ESRRG: variants seen among roughly 807,000 people sequenced by gnomAD.
ESRRG encodes the protein estrogen-related receptor gamma.
ESRRG carries 13 observed loss-of-function variants against 44.0 expected under a neutral mutation model. That is an observed-to-expected ratio of 0.30 (90% CI 0.19 to 0.47). ESRRG has a LOEUF of 0.47. Ranked by LOEUF, ESRRG falls within the 20% of genes least tolerant of loss-of-function variation. ESRRG has a pLI of 1.00. For missense variants in ESRRG, 395 were observed against 580.6 expected, an observed-to-expected ratio of 0.68 and a Z score of 3.29; for synonymous variants, 215 against 214.6, an observed-to-expected ratio of 1.00 and a Z score of -0.02.
At chr1:216,608,985 G>A (rs747157696) in intron 3 of ESRRG, among the ~76,000 whole-genome samples, 8 of 152,278 alleles carry the variant, frequency 5.3e-5, no homozygotes, top group South Asian at 4.2e-4. Context: ...GTACCTATGA[G>A]CATCTTTCTT....
intron 1 of ESRRG, among the ~76,000 whole-genome samples, chr1:217,073,703 A>C (rs531047089): frequency 6.6e-6 from 1 of 152,186 alleles, no homozygotes; most frequent in Non-Finnish European, 1.5e-5. Flanking sequence ...GACAATATAT[A>C]AGAGCTGGAA....
chr1:216,792,328 C>T (rs1346679423), intron 2 of ESRRG, among the ~76,000 whole-genome samples: 1 of 152,098 alleles, frequency 6.6e-6, no homozygotes, highest in African/African-American at 2.4e-5. Context: ...AAGTACAGTA[C>T]TAAAAGTAAT....
intron 1 of ESRRG, among the ~76,000 whole-genome samples, chr1:217,134,639 C>T (rs538557650): frequency 7.9e-5 from 12 of 152,320 alleles, no homozygotes; most frequent in Middle Eastern, 3.4e-3. Context: ...AGTTTCCAGC[C>T]AGCCGCTGCG....
chr1:216,904,525 C>T (rs144675071), intron 2 of ESRRG, among the ~76,000 whole-genome samples: 2 of 152,238 alleles, frequency 1.3e-5, no homozygotes, highest in African/African-American at 4.8e-5. Context: ...ACTATTTTTC[C>T]CCCCTTCTTA....
At chr1:217,044,762 A>T (rs1580002919) in intron 1 of ESRRG, among the ~76,000 whole-genome samples, 2 of 152,236 alleles carry the variant, frequency 1.3e-5, no homozygotes, top group Non-Finnish European at 2.9e-5. Context: ...AGCCACCAGA[A>T]TAATTCACTG....
intron 1 of ESRRG, among the ~76,000 whole-genome samples, chr1:217,117,795 C>G (rs1164533988): frequency 1.3e-5 from 2 of 152,058 alleles, no homozygotes; most frequent in Non-Finnish European, 2.9e-5. Flanking sequence ...ATCATATCTT[C>G]AGCTTCTCTG....
chr1:216,536,161 C>T (rs531827135), intron 5 of ESRRG, among the ~76,000 whole-genome samples: 16 of 152,164 alleles, frequency 1.1e-4, no homozygotes, highest in African/African-American at 3.8e-4. Context: ...GTGTTCACTT[C>T]TTCTCTTCTT....
At chr1:216,674,034 AT>A (rs1421951163) in intron 2 of ESRRG, among the ~76,000 whole-genome samples, 1 of 152,364 alleles carries the variant, frequency 6.6e-6, no homozygotes, top group East Asian at 1.9e-4. Flanking sequence ...ATCCCAAAAT[AT>A]TTGCTTATCT....
At chr1:216,684,712 C>A (rs375826480) in intron 1 of ESRRG, among the ~76,000 whole-genome samples, 1 of 152,158 alleles carries the variant, frequency 6.6e-6, no homozygotes, top group Admixed American at 6.5e-5. Flanking sequence ...AAGTCCAAAT[C>A]AATTCTTATG....
intron 2 of ESRRG, among the ~76,000 whole-genome samples, chr1:216,868,586 G>C (rs1008230672): frequency 6.6e-6 from 1 of 151,916 alleles, no homozygotes; most frequent in Non-Finnish European, 1.5e-5. Context: ...AAATATCCAC[G>C]AGTGGGATTT....
chr1:217,081,221 C>CTTTTTTTTTTTTTTT (rs143325476), intron 1 of ESRRG, among the ~76,000 whole-genome samples: 4 of 70,416 alleles, frequency 5.7e-5, no homozygotes, highest in African/African-American at 1.2e-4. Flanking sequence ...TAAAAATATT[C>CTTTTTTTTTTTTTTT]TTTTTTTTTT....
At chr1:217,018,611 C>T (rs1022066623) in intron 1 of ESRRG, among the ~76,000 whole-genome samples, 2 of 152,110 alleles carry the variant, frequency 1.3e-5, no homozygotes, top group African/African-American at 4.8e-5. Context: ...TGTGAATATA[C>T]AATTTCACAG....
chr1:217,132,785 C>T (rs1580658185), intron 1 of ESRRG, among the ~76,000 whole-genome samples: 4 of 152,056 alleles, frequency 2.6e-5, no homozygotes, highest in Non-Finnish European at 4.4e-5. Context: ...TTACAGGTCA[C>T]AGATCTGAAG....
intron 3 of ESRRG, among the ~76,000 whole-genome samples, chr1:216,627,030 G>A (rs777545375): frequency 7.9e-5 from 12 of 152,228 alleles, no homozygotes; most frequent in Non-Finnish European, 1.8e-4. Context: ...TCTATTAAAC[G>A]GCAAGGAAAT....
At chr1:216,680,229 G>A (rs1012093060) in intron 1 of ESRRG, among the ~76,000 whole-genome samples, 1 of 152,176 alleles carries the variant, frequency 6.6e-6, no homozygotes, top group Non-Finnish European at 1.5e-5. Context: ...ACTGAGCTGA[G>A]CACTTTACAA....
intron 3 of ESRRG, among the ~76,000 whole-genome samples, chr1:216,619,036 T>C (rs563480116): frequency 6.6e-5 from 10 of 152,324 alleles, no homozygotes; most frequent in African/African-American, 1.9e-4. Flanking sequence ...GGCATTCAGC[T>C]CCACCAGATC....
chr1:217,115,069 G>C, intron 1 of ESRRG, among the ~76,000 whole-genome samples: 1 of 152,070 alleles, frequency 6.6e-6, no homozygotes, highest in East Asian at 1.9e-4. Context: ...ATGTGTCACT[G>C]TGTGCCTTCA....
chr1:216,783,443 AT>A lies in ESRRG; in HGVS notation c.-13-105953del, dbSNP rs1208979143. Among the ~76,000 whole-genome samples the A allele has an allele frequency of 4.6e-5, 7 of 152,216 alleles. No individual in the cohort carries two copies. In the East Asian group the frequency reaches 7.7e-4, roughly 17 times the overall value. On this transcript the variant is annotated intron_variant, in intron 2 of 7. Transcript: ENST00000359162. ...TCAGAAATTCTCTTTTACAGTTTCA[AT>A]TTTTTTATCTTTAATCTTTAATTAA...
intron 1 of ESRRG, among the ~76,000 whole-genome samples, chr1:217,134,867 C>A (rs2093027302): frequency 6.6e-6 from 1 of 152,246 alleles, no homozygotes; most frequent in African/African-American, 2.4e-5. Flanking sequence ...GACCGACCGC[C>A]GCGATCCGCT....
Sources: allele counts gnomAD v4.1 joint callset (sites outside exome capture counted in the v4.1 genomes callset), GRCh38; gene constraint gnomAD v4.1.1; transcripts MANE v1.5; gene names NCBI Gene and HGNC (gene_info 2026-07-23, HGNC 2026-07-21).